Variants in AGBL4 observed in about 807,000 individuals in gnomAD.
The protein encoded by AGBL4 is AGBL carboxypeptidase 4, also known as cytosolic carboxypeptidase 6.
A neutral mutation model predicts 66.4 loss-of-function variants in AGBL4; 58 were observed. The observed-to-expected ratio is 0.87, with a 90% CI of 0.71 to 1.09. AGBL4 has a LOEUF of 1.09. AGBL4 is among the 50% of genes least tolerant of loss of function. The probability of loss-of-function intolerance (pLI) is 0.00; values close to 1 mark genes in which losing one functional copy is unlikely to be tolerated. For synonymous variants in AGBL4, 234 were observed against 222.9 expected, an observed-to-expected ratio of 1.05 and a Z score of -0.44; for missense variants, 579 against 631.0, an observed-to-expected ratio of 0.92 and a Z score of 0.88.
chr1:49,098,141 C>T (rs2147995345), intron 4 of AGBL4, among the ~76,000 whole-genome samples: 1 of 152,306 alleles, frequency 6.6e-6, no homozygotes, highest in African/African-American at 2.4e-5. Context: ...TAACAAATCA[C>T]TTCACTCTAA....
At chr1:49,895,717 A>G (rs72905725) in intron 1 of AGBL4, among the ~76,000 whole-genome samples, 2,763 of 152,110 alleles carry the variant, frequency 0.018, 80 homozygotes, top group African/African-American at 0.063. Context: ...CTAAAAACAC[A>G]TAATAAAAAC....
At chr1:49,538,318 G>T (rs1651759899) in intron 3 of AGBL4, among the ~76,000 whole-genome samples, 1 of 152,208 alleles carries the variant, frequency 6.6e-6, no homozygotes, top group Admixed American at 6.6e-5. Context: ...GGAACTGGAG[G>T]TTATTATTGG....
At chr1:49,958,250 C>A (rs1181621436) in intron 1 of AGBL4, among the ~76,000 whole-genome samples, 1 of 152,032 alleles carries the variant, frequency 6.6e-6, no homozygotes, top group Non-Finnish European at 1.5e-5. Flanking sequence ...GATGGGCTTT[C>A]CTCTGTGGGT....
chr1:49,884,966 A>C (rs1647861479), intron 1 of AGBL4, among the ~76,000 whole-genome samples: 1 of 152,014 alleles, frequency 6.6e-6, no homozygotes, highest in East Asian at 1.9e-4. Context: ...GGGCTGTGTA[A>C]ATTTTTGATA....
intron 1 of AGBL4, among the ~76,000 whole-genome samples, chr1:50,019,201 C>A (rs1417771219): frequency 6.6e-6 from 1 of 151,364 alleles, no homozygotes; most frequent in East Asian, 1.9e-4. Context: ...TAAGGGACTG[C>A]AGACCTGGAT....
intron 3 of AGBL4, among the ~76,000 whole-genome samples, chr1:49,670,420 C>T (rs1123572): frequency 0.073 from 11,136 of 152,156 alleles, 1,298 homozygotes; most frequent in African/African-American, 0.25. Context: ...TTGTAGAAAA[C>T]AAATAGGCAA....
intron 6 of AGBL4, among the ~76,000 whole-genome samples, chr1:48,734,144 G>C (rs1484028780): frequency 6.6e-6 from 1 of 152,132 alleles, no homozygotes; most frequent in Non-Finnish European, 1.5e-5. Context: ...AAGACGAAAG[G>C]TTACCTCTGA....
intron 5 of AGBL4, among the ~76,000 whole-genome samples, chr1:48,935,934 GGGTGACA>G (rs1232394085): frequency 1.6e-5 from 2 of 124,452 alleles, no homozygotes; most frequent in Non-Finnish European, 3.2e-5. Flanking sequence ...CCTCCAGCCT[GGGTGACA>G]GAGCGAGACT....
chr1:49,904,734 A>G (rs1166519274), intron 1 of AGBL4, among the ~76,000 whole-genome samples: 1 of 152,234 alleles, frequency 6.6e-6, no homozygotes, highest in Non-Finnish European at 1.5e-5. Context: ...GATTTCTTAC[A>G]GAGAAGGTAA....
At chr1:49,565,039 T>G (rs1396026296) in intron 3 of AGBL4, among the ~76,000 whole-genome samples, 1 of 152,236 alleles carries the variant, frequency 6.6e-6, no homozygotes, top group Non-Finnish European at 1.5e-5. Context: ...TCTTGTTGAA[T>G]TGATCCCTTT....
chr1:48,758,862 C>T, intron 6 of AGBL4: 1 of 1,462,600 alleles, frequency 6.8e-7, no homozygotes. Context: ...AAGTATTTCA[C>T]CCAAGTGGAG....
At chr1:49,229,701 G>T (rs1255740452) in intron 4 of AGBL4, among the ~76,000 whole-genome samples, 1 of 152,154 alleles carries the variant, frequency 6.6e-6, no homozygotes, top group Non-Finnish European at 1.5e-5. Context: ...GGTGTAATGG[G>T]AACACAAATA....
intron 3 of AGBL4, among the ~76,000 whole-genome samples, chr1:49,616,006 G>A (rs1032372979): frequency 5.3e-5 from 8 of 152,078 alleles, no homozygotes; most frequent in Admixed American, 1.3e-4. Context: ...AAATTAAACT[G>A]TTATTTCTTT....
At chr1:49,161,116 T>C (rs1176184718) in intron 4 of AGBL4, among the ~76,000 whole-genome samples, 1 of 151,972 alleles carries the variant, frequency 6.6e-6, no homozygotes, top group Non-Finnish European at 1.5e-5. Flanking sequence ...AAAACTCCTG[T>C]AGCTAGTTTG....
chr1:49,654,175 T>C (rs547538243), intron 3 of AGBL4, among the ~76,000 whole-genome samples: 1 of 152,296 alleles, frequency 6.6e-6, no homozygotes, highest in Admixed American at 6.5e-5. Context: ...ATATTCAACA[T>C]TCTTAAAGAA....
At chr1:49,107,490 G>A (rs938749680) in intron 4 of AGBL4, among the ~76,000 whole-genome samples, 1 of 152,082 alleles carries the variant, frequency 6.6e-6, no homozygotes, top group Non-Finnish European at 1.5e-5. Context: ...AATATAAATG[G>A]TTAAAGATGT....
chr1:49,191,532 A>C (rs915329965), intron 4 of AGBL4, among the ~76,000 whole-genome samples: 3 of 152,194 alleles, frequency 2.0e-5, no homozygotes, highest in African/African-American at 7.2e-5. Flanking sequence ...CTTGTCACTG[A>C]GGTTTGGGGT....
intron 4 of AGBL4, among the ~76,000 whole-genome samples, chr1:49,134,853 G>A (rs974467629): frequency 2.0e-5 from 3 of 152,046 alleles, no homozygotes; most frequent in Non-Finnish European, 4.4e-5. Flanking sequence ...AGTATTGATT[G>A]GGGAAGTGAT....
chr1:49,452,626 T>C (rs561985590), intron 3 of AGBL4, among the ~76,000 whole-genome samples: 16 of 152,040 alleles, frequency 1.1e-4, no homozygotes, highest in African/African-American at 3.9e-4. Context: ...TTCATCTACC[T>C]GAGATGTTCT....
Sources: gnomAD v4.1 joint callset for allele counts (sites outside exome capture counted in the v4.1 genomes callset) on GRCh38, gnomAD v4.1.1 for gene constraint, MANE v1.5 for transcripts, NCBI Gene and HGNC (gene_info 2026-07-23, HGNC 2026-07-21) for gene names.